The following SYCP2L variants were observed in gnomAD, a reference collection of about 807,000 sequenced individuals.
SYCP2L encodes the protein synaptonemal complex protein 2-like.
In SYCP2L, 98 loss-of-function variants were observed where a neutral mutation model predicts 125.8. The ratio of observed to expected loss-of-function variants is 0.78; its 90% CI spans 0.66 to 0.92. The LOEUF (loss-of-function observed/expected upper bound fraction) is 0.92. SYCP2L is among the 40% of genes least tolerant of loss of function. The pLI is 0.00. For synonymous variants in SYCP2L, 317 were observed against 325.4 expected, an observed-to-expected ratio of 0.97 and a Z score of 0.28; for missense variants, 842 against 936.4, an observed-to-expected ratio of 0.90 and a Z score of 1.32.
chr6:10,898,444 C>T (rs191014331), intron 5 of SYCP2L, among the ~76,000 whole-genome samples: 7 of 152,028 alleles, frequency 4.6e-5, no homozygotes, highest in South Asian at 2.1e-4. Context: ...ACCTGGGAGG[C>T]GGAGCTTATA....
rs1230686350 is a variant in SYCP2L at position 10,894,195 on chromosome 6, G to A, written c.327G>A (p.Leu109=). The change falls in exon 4 of 30, where the codon CTG becomes CTA. Residue 109 remains leucine, a synonymous_variant. Transcript: ENST00000283141. The part of the protein sequence containing the change: ...EDEPLLIRQG[L]IPKLVSWFER... Reference sequence around the variant, plus strand: ...AACCTCTGCTAATTCGGCAGGGACTGATCCCAAAGATAAGTGTCCTATTTT... The same window carrying A: ...AACCTCTGCTAATTCGGCAGGGACTAATCCCAAAGATAAGTGTCCTATTTT... 1 of 1,612,494 alleles carries A rather than the reference G, an allele frequency of 6.2e-7. No individual in the cohort carries two copies. The highest frequency in any genetic ancestry group is 8.5e-7 in the Non-Finnish European group (1 of 1,179,782).
In SYCP2L at chr6:10,931,455, C is replaced by T; in HGVS notation, c.1649C>T (p.Pro550Leu). Residue 550 changes from proline to leucine, a missense_variant, in exon 20 of 30, where the codon CCT (proline) becomes CTT (leucine). Coordinates refer to ENST00000283141, the MANE Select transcript of SYCP2L (RefSeq NM_001040274.3). ...TTCAATTTAGTCTTGCCAGTTTTCC[C>T]TCCCAGTAGTGGCAGTGGCCATGAG... ...RSNLRILPVF[P>L]PSSGSGHEKD... 1 of 1,614,114 alleles carries T rather than the reference C, an allele frequency of 6.2e-7. No homozygotes were observed. The highest frequency in any genetic ancestry group is 8.5e-7 in the Non-Finnish European group (1 of 1,179,962).
chr6:10,961,699 G>C, intron 28 of SYCP2L, 141 bp downstream of exon 28: 1 of 773,578 alleles, frequency 1.3e-6, no homozygotes, highest in South Asian at 1.7e-5. Flanking sequence ...CACTTCTGTG[G>C]CACCTCCCTG....
At chr6:10,895,361 C>T (rs188160558) in intron 4 of SYCP2L, among the ~76,000 whole-genome samples, 2 of 152,158 alleles carry the variant, frequency 1.3e-5, no homozygotes, top group Non-Finnish European at 2.9e-5. Context: ...TTATTCCTGA[C>T]GCAAGTCCTG....
At chr6:10,903,809 T>G (rs1780435003) in intron 8 of SYCP2L, among the ~76,000 whole-genome samples, 1 of 149,886 alleles carries the variant, frequency 6.7e-6, no homozygotes, top group Non-Finnish European at 1.5e-5. Context: ...GATTTTTCCT[T>G]TTTAATAATT....
chr6:10,891,648 TGTGTGTGTGTGTGTGTATGTGTATATGA>T, intron 2 of SYCP2L, 67 bp downstream of exon 2: 6 of 911,114 alleles, frequency 6.6e-6, no homozygotes, highest in South Asian at 3.1e-5. Flanking sequence ...TGTGTGTGTG[TGTGTGTGTGTGTGTGTATGTGTATATGA>T]GTGTATGTAT....
rs1306590219 is a variant in SYCP2L, at chr6:10,931,562, C to T, written c.1683+73C>T. On this transcript the variant is annotated intron_variant, in intron 20 of 29. Transcript: ENST00000283141. ...CATTTATTTCTCCAAAAACAACTTTCAGAAATATAAAAATAACAAAATATT... is the reference window on the plus strand; with the variant it reads ...CATTTATTTCTCCAAAAACAACTTTTAGAAATATAAAAATAACAAAATATT... The T allele has an allele frequency of 2.1e-6, 3 of 1,412,406 alleles. No homozygotes were observed. In the African/African-American group the frequency reaches 4.3e-5, roughly 20 times the overall value. The allele number at this position is 1,412,406 out of a possible 1,614,324, so 87.5% of individuals were successfully genotyped here.
At position 10,905,910 on chromosome 6, in the gene SYCP2L, G is replaced by T; in HGVS notation, c.642-110G>T. On this transcript the variant is annotated intron_variant, in intron 8 of 29. Transcript: ENST00000283141. ...TTAAGGAAATTTTGATGCTGAATTT[G>T]AAATAGTTTCAGAAACATATACTTT... is the stretch of plus-strand genomic sequence containing the variant. 5.8e-6 allele frequency: 4 copies of T among 695,222 alleles called. No individual in the cohort carries two copies. In the South Asian group the frequency reaches 9.1e-5, roughly 16 times the overall value. The allele number at this position is 695,222 out of a possible 1,614,324, so 43.1% of individuals were successfully genotyped here. A position where few individuals can be genotyped will look rare whatever the true frequency, so the allele number is the denominator to read the frequency against.
chr6:10,935,369 C>T (rs1781073848), intron 21 of SYCP2L, among the ~76,000 whole-genome samples, 182 bp downstream of exon 21: 1 of 151,998 alleles, frequency 6.6e-6, no homozygotes, highest in Non-Finnish European at 1.5e-5. Context: ...TTTTGCTGTG[C>T]CATTTGAGAT....
intron 1 of SYCP2L, among the ~76,000 whole-genome samples, chr6:10,889,201 C>A (rs1265058741): frequency 6.6e-6 from 1 of 152,194 alleles, no homozygotes; most frequent in African/African-American, 2.4e-5. Flanking sequence ...TTCCTCCTAT[C>A]TCACTTTTGC....
In SYCP2L at chr6:10,954,221, G is replaced by C. The variant is rs10946907; in HGVS notation, c.1955-895G>C. Among the ~76,000 whole-genome samples, 2 of 152,188 alleles carry C rather than the reference G, an allele frequency of 1.3e-5. No homozygotes were observed. Among genetic ancestry groups the C allele is most frequent in the Non-Finnish European group, 1.5e-5 (1 of 68,034 alleles). ...GATGTCACAACTAAAGGTACAGTGCGGGGGAGAGAGTGGTTTTAAGTGGGA... is the reference window on the plus strand; with the variant it reads ...GATGTCACAACTAAAGGTACAGTGCCGGGGAGAGAGTGGTTTTAAGTGGGA... On this transcript the variant is annotated intron_variant, in intron 23 of 29. Transcript: ENST00000283141. This position sits in a 1 kb window ranked among gnomAD's most constrained non-coding sequence, Gnocchi z 4.8.
chr6:10,891,319 T>TTGGATAAAGTTTTTCTCTTTTTTC (rs1780167327), intron 1 of SYCP2L, among the ~76,000 whole-genome samples, 194 bp from the exon 2 acceptor site: 2 of 152,100 alleles, frequency 1.3e-5, no homozygotes, highest in Non-Finnish European at 2.9e-5. Flanking sequence ...CTAAAGAAGG[T>TTGGATAAAGTTTTTCTCTTTTTTC]TGGATAAAGT....
chr6:10,961,251 C>A, intron 26 of SYCP2L, 54 bp from the exon 27 acceptor site: 1 of 1,394,942 alleles, frequency 7.2e-7, no homozygotes, highest in South Asian at 1.2e-5. Context: ...TTAAGAAAGT[C>A]TGCTGTCACA....
At chr6:10,961,683 A>C (rs1581845681) in intron 28 of SYCP2L, 125 bp downstream of exon 28, 1 of 924,606 alleles carries the variant, frequency 1.1e-6, no homozygotes, top group Admixed American at 2.2e-5. Flanking sequence ...CATCTTTTGA[A>C]CCGGCCACTT....
At chr6:10,895,294 G>T (rs748354011) in intron 4 of SYCP2L, among the ~76,000 whole-genome samples, 1 of 152,170 alleles carries the variant, frequency 6.6e-6, no homozygotes, top group Non-Finnish European at 1.5e-5. Context: ...GCGCAGAGGG[G>T]TACCTCCTTG....
intron 21 of SYCP2L, among the ~76,000 whole-genome samples, chr6:10,941,652 G>A (rs1335439400): frequency 1.3e-5 from 2 of 152,210 alleles, no homozygotes; most frequent in Non-Finnish European, 2.9e-5. Context: ...GGAAACAACA[G>A]ATGCTGGAGA....
intron 18 of SYCP2L, among the ~76,000 whole-genome samples, chr6:10,928,811 TACAGGCATGAGCC>T (rs1780941628): frequency 6.6e-6 from 1 of 152,188 alleles, no homozygotes; most frequent in Admixed American, 6.5e-5. Flanking sequence ...TCTCTGGGAT[TACAGGCATGAGCC>T]ACCATGCCCC....
In SYCP2L at chr6:10,887,145, C is replaced by A. The variant is rs781710552; in HGVS notation, c.9+10C>A. On this transcript the variant is annotated intron_variant, in intron 1 of 29. Coordinates refer to ENST00000283141, the MANE Select transcript of SYCP2L (RefSeq NM_001040274.3). ...CCTCGTTATGCAAGCGGTGAGTGAC[C>A]CCCGAAGGGCCCGGACCTTCTGTCC... 1.3e-5 allele frequency: 21 copies of A among 1,613,968 alleles called. No homozygotes were observed. Among genetic ancestry groups the A allele is most frequent in the Non-Finnish European group, 1.7e-5 (20 of 1,179,968 alleles).
intron 23 of SYCP2L, among the ~76,000 whole-genome samples, chr6:10,952,320 G>A (rs1413994190): frequency 1.3e-5 from 2 of 152,156 alleles, no homozygotes; most frequent in African/African-American, 2.4e-5. Flanking sequence ...CTGCCACTTC[G>A]AAGAAGGTTT....
Sources: gnomAD v4.1 joint callset for allele counts (sites outside exome capture counted in the v4.1 genomes callset) on GRCh38, gnomAD v4.1.1 for gene constraint, Gnocchi (gnomAD v3.1) non-coding constraint, MANE v1.5 for transcripts, NCBI Gene and HGNC (gene_info 2026-07-23, HGNC 2026-07-21) for gene names.